ADCY5: variants seen among roughly 807,000 people sequenced by gnomAD.
The protein encoded by ADCY5 is adenylate cyclase type 5.
A neutral mutation model predicts 119.7 loss-of-function variants in ADCY5; 30 were observed. That is an observed-to-expected ratio of 0.25 (90% CI 0.19 to 0.34). The LOEUF is 0.34. Among genes scored for constraint, ADCY5 ranks in the 10% least tolerant of loss-of-function variants. The pLI is 1.00. For missense variants in ADCY5, 1,324 were observed against 1,775.2 expected (o/e 0.75, Z 4.57); for synonymous variants, 753 against 762.2 (o/e 0.99, Z 0.20).
At chr3:123,302,144 C>T (rs545475185) in intron 14 of ADCY5, among the ~76,000 whole-genome samples, 1 of 152,330 alleles carries the variant, frequency 6.6e-6, no homozygotes, top group South Asian at 2.1e-4. Flanking sequence ...CTGCCCCCAT[C>T]TTACAGGCTT....
chr3:123,287,408 T>TC (rs1226957490), intron 19 of ADCY5, among the ~76,000 whole-genome samples: 4 of 152,302 alleles, frequency 2.6e-5, no homozygotes, highest in African/African-American at 9.6e-5. Context: ...AAGCGTTCTC[T>TC]CTCCTCCTCC....
At chr3:123,291,952 A>AC (rs34188304) in intron 17 of ADCY5, among the ~76,000 whole-genome samples, 1 of 151,864 alleles carries the variant, frequency 6.6e-6, no homozygotes, top group Non-Finnish European at 1.5e-5. Context: ...GCCAGGAGGG[A>AC]CCCCCTGGGA....
Position 123,286,591 on chromosome 3 carries a change from A to T in ADCY5, c.3657+94T>A. The T allele has an allele frequency of 6.8e-7, 1 of 1,468,280 alleles. No individual in the cohort carries two copies. Among genetic ancestry groups the T allele is most frequent in the East Asian group, 2.4e-5 (1 of 42,440 alleles). 91.0% of individuals were successfully genotyped at this position (1,468,280 alleles called of 1,614,324 possible). A position where few individuals can be genotyped will look rare whatever the true frequency, so the allele number is the denominator to read the frequency against. On this transcript the variant is annotated intron_variant, in intron 20 of 20. Coordinates refer to ENST00000462833, the MANE Select transcript of ADCY5 (RefSeq NM_183357.3). This position sits in a 1 kb window ranked among gnomAD's most constrained non-coding sequence, Gnocchi z 4.2. The stretch of plus-strand genomic sequence containing the variant: ...CTTGAATCTGGCTGCAGACATTCTG[A>T]CTGGGAACTGTAGGTGGCCTGCCCT...
intron 1 of ADCY5, among the ~76,000 whole-genome samples, chr3:123,419,722 G>A (rs1293746241): frequency 6.6e-6 from 1 of 151,888 alleles, no homozygotes; most frequent in Non-Finnish European, 1.5e-5. Context: ...TGCTCCCCCT[G>A]CCAGCGAGGC....
intron 1 of ADCY5, among the ~76,000 whole-genome samples, chr3:123,373,649 T>C (rs1048124756): frequency 2.0e-5 from 3 of 152,278 alleles, no homozygotes; most frequent in East Asian, 3.9e-4. Flanking sequence ...TTAAGCTAAA[T>C]TGCTCTTGTC....
chr3:123,447,921 A>G lies in ADCY5; in HGVS notation c.625T>C (p.Cys209Arg). Residue 209 changes from cysteine to arginine, a missense_variant, in exon 1 of 21, where the codon TGC (cysteine) becomes CGC (arginine). This residue lies in a region of ADCY5 where 585 missense variants were observed against 569.9 expected (regional missense o/e 1.03). Transcript: ENST00000462833. Reference sequence around the variant, plus strand: ...CGGAATATCTGCAGCAACGCCAGGCAGCAGGCGCCCAGGGACAGCACCGCG... The same window carrying G: ...CGGAATATCTGCAGCAACGCCAGGCGGCAGGCGCCCAGGGACAGCACCGCG... ...PGAVLSLGAC[C>R]LALLQIFRSK... 8.7e-6 allele frequency: 14 copies of G among 1,606,980 alleles called. No individual in the cohort carries two copies. The highest frequency in any genetic ancestry group is 1.1e-5 in the Non-Finnish European group (13 of 1,176,560).
At chr3:123,408,543 C>A (rs1477388959) in intron 1 of ADCY5, among the ~76,000 whole-genome samples, 1 of 151,838 alleles carries the variant, frequency 6.6e-6, no homozygotes, top group East Asian at 1.9e-4. Context: ...GTAGTCCCAG[C>A]TACTCGACAG....
intron 3 of ADCY5, among the ~76,000 whole-genome samples, chr3:123,338,552 G>A (rs1183319852): frequency 3.9e-5 from 6 of 152,236 alleles, no homozygotes. Flanking sequence ...GCCCAGACGT[G>A]CAGGAAGGTG....
intron 1 of ADCY5, among the ~76,000 whole-genome samples, chr3:123,409,936 C>T (rs1327817207): frequency 6.6e-6 from 1 of 152,252 alleles, no homozygotes; most frequent in Non-Finnish European, 1.5e-5. Flanking sequence ...CACCAGCCCA[C>T]TGACCTGGGA....
At chr3:123,322,117 A>C (rs1237185677) in intron 8 of ADCY5, among the ~76,000 whole-genome samples, 1 of 152,176 alleles carries the variant, frequency 6.6e-6, no homozygotes, top group Non-Finnish European at 1.5e-5. Context: ...CCCGTGCCTG[A>C]TGCTCCCAGG....
chr3:123,334,170 C>T (rs1320824211), intron 3 of ADCY5, among the ~76,000 whole-genome samples: 1 of 152,106 alleles, frequency 6.6e-6, no homozygotes, highest in African/African-American at 2.4e-5. Context: ...TCCTGGCAGC[C>T]AGGAGCTAAG....
intron 1 of ADCY5, chr3:123,419,224 C>CAG: frequency 1.0e-6 from 1 of 985,468 alleles, no homozygotes. Context: ...AGCACACAGT[C>CAG]AGGTGGCACT....
chr3:123,323,912 T>C (rs1280241396), intron 8 of ADCY5, among the ~76,000 whole-genome samples: 10 of 152,016 alleles, frequency 6.6e-5, no homozygotes, highest in African/African-American at 2.4e-4. Flanking sequence ...ATCATGTGGG[T>C]ACAGAGTCTG....
intron 1 of ADCY5, among the ~76,000 whole-genome samples, chr3:123,387,803 G>A (rs1388887532): frequency 6.6e-6 from 1 of 152,228 alleles, no homozygotes; most frequent in East Asian, 1.9e-4. Flanking sequence ...CCTATCTTGG[G>A]TTTTGAGACA....
chr3:123,422,677 C>T (rs958521756), intron 1 of ADCY5, among the ~76,000 whole-genome samples: 6 of 152,196 alleles, frequency 3.9e-5, no homozygotes, highest in African/African-American at 1.4e-4. Flanking sequence ...TCAACCCCAG[C>T]CAGAATGCCC....
intron 1 of ADCY5, among the ~76,000 whole-genome samples, chr3:123,434,287 A>G (rs956398303): frequency 2.7e-4 from 41 of 152,244 alleles, no homozygotes; most frequent in Non-Finnish European, 4.8e-4. Flanking sequence ...AAACCACATC[A>G]GCATCACAGG....
chr3:123,326,398 G>A (rs1477786534), intron 7 of ADCY5, among the ~76,000 whole-genome samples: 2 of 152,206 alleles, frequency 1.3e-5, no homozygotes, highest in Non-Finnish European at 2.9e-5. Context: ...AGGTGACGGT[G>A]GGGACACAGC....
At chr3:123,297,317 G>A (rs750559956) in intron 16 of ADCY5, 36 bp downstream of exon 16, 3 of 1,610,454 alleles carry the variant, frequency 1.9e-6, no homozygotes, top group Non-Finnish European at 2.5e-6. Context: ...TGTGCTGAGG[G>A]CAGGGAGCGA....
chr3:123,306,790 C>A (rs181203384), intron 12 of ADCY5, among the ~76,000 whole-genome samples: 1 of 152,168 alleles, frequency 6.6e-6, no homozygotes, highest in African/African-American at 2.4e-5. Context: ...ATAATTTGTA[C>A]GCCCATGTTC....
Sources: gnomAD v4.1 joint callset for allele counts (sites outside exome capture counted in the v4.1 genomes callset) on GRCh38, gnomAD v4.1.1 for gene constraint, gnomAD v4.1.1 regional missense constraint, Gnocchi (gnomAD v3.1) non-coding constraint, MANE v1.5 for transcripts, NCBI Gene and HGNC (gene_info 2026-07-23, HGNC 2026-07-21) for gene names.